RASGRP1: variants seen among roughly 807,000 people sequenced by gnomAD.
The protein encoded by RASGRP1 is RAS guanyl releasing protein 1, also known as RAS guanyl-releasing protein 1.
RASGRP1 carries 37 observed loss-of-function variants against 95.1 expected under a neutral mutation model. That is an observed-to-expected ratio of 0.39 (90% CI 0.30 to 0.51). RASGRP1 has a LOEUF of 0.51. RASGRP1 is among the 20% of genes least tolerant of loss of function. The pLI, the probability that RASGRP1 is intolerant of heterozygous loss-of-function variation, is 0.80. For missense variants in RASGRP1, 711 were observed against 965.4 expected (o/e 0.74, Z 3.49); for synonymous variants, 325 against 353.4 (o/e 0.92, Z 0.90).
chr15:38,561,071 C>T (rs556963465), intron 1 of RASGRP1, among the ~76,000 whole-genome samples: 39 of 152,330 alleles, frequency 2.6e-4, no homozygotes, highest in African/African-American at 7.9e-4. Flanking sequence ...TCTCCTCTCT[C>T]TACTGTGGCT....
intron 10 of RASGRP1, chr15:38,503,893 A>G (rs1376760218): frequency 5.4e-6 from 1 of 186,410 alleles, no homozygotes; most frequent in Admixed American, 5.9e-5. Context: ...TTGTCATTGT[A>G]TGAGCACCAC....
rs77433915 is a variant in RASGRP1 at position 38,540,384 on chromosome 15, T to C, written c.221-13980A>G. Among the ~76,000 whole-genome samples, 194 of 152,298 alleles carry C rather than the reference T, an allele frequency of 1.3e-3. 1 individual carries two copies. The highest frequency in any genetic ancestry group is 4.0e-3 in the African/African-American group (166 of 41,568). ...AAGCATATAAGAACAAACATTAACA[T>C]TGACTGGCAACTAATGATAAACACA... On this transcript the variant is annotated intron_variant, in intron 2 of 16. Transcript: ENST00000310803.
intron 1 of RASGRP1, among the ~76,000 whole-genome samples, chr15:38,562,877 G>A (rs1388415478): frequency 1.3e-5 from 2 of 152,200 alleles, no homozygotes; most frequent in African/African-American, 4.8e-5. Flanking sequence ...TGTTTCATAA[G>A]TGGATTCTTG....
chr15:38,491,091 C>G (rs1383352082), intron 16 of RASGRP1, among the ~76,000 whole-genome samples: 1 of 151,928 alleles, frequency 6.6e-6, no homozygotes, highest in Non-Finnish European at 1.5e-5. Context: ...TCTAAGTTTC[C>G]CCCCCACAAA....
At chr15:38,558,186 A>G (rs1027314627) in intron 2 of RASGRP1, among the ~76,000 whole-genome samples, 5 of 152,164 alleles carry the variant, frequency 3.3e-5, no homozygotes, top group Non-Finnish European at 7.3e-5. Flanking sequence ...GGAACTTTGC[A>G]GTTTATTCAG....
At chr15:38,497,411 C>T (rs1241286105) in intron 15 of RASGRP1, among the ~76,000 whole-genome samples, 1 of 151,662 alleles carries the variant, frequency 6.6e-6, no homozygotes, top group East Asian at 1.9e-4. Context: ...TTCCCACTAT[C>T]CCAATAGTAC....
At chr15:38,549,942 G>T (rs117636385) in intron 2 of RASGRP1, among the ~76,000 whole-genome samples, 8 of 152,024 alleles carry the variant, frequency 5.3e-5, no homozygotes, top group Non-Finnish European at 1.2e-4. Flanking sequence ...ATCTCACCCA[G>T]TTGCTAACTT....
At chr15:38,519,754 G>T (rs185982418) in intron 3 of RASGRP1, among the ~76,000 whole-genome samples, 88 of 150,846 alleles carry the variant, frequency 5.8e-4, no homozygotes, top group African/African-American at 2.0e-3. Context: ...AAATGAAGCA[G>T]AAAAAAAAGA....
At chr15:38,529,110 C>T (rs1892341704) in intron 2 of RASGRP1, among the ~76,000 whole-genome samples, 1 of 152,190 alleles carries the variant, frequency 6.6e-6, no homozygotes, top group South Asian at 2.1e-4. Context: ...TCTCTCCATC[C>T]TTGGCCTCAC....
At chr15:38,528,488 C>G (rs1430831302) in intron 2 of RASGRP1, among the ~76,000 whole-genome samples, 1 of 152,104 alleles carries the variant, frequency 6.6e-6, no homozygotes, top group East Asian at 1.9e-4. Context: ...GACTCAGTAG[C>G]ATTCAACCCA....
chr15:38,495,188 C>G (rs1275240162), intron 15 of RASGRP1, among the ~76,000 whole-genome samples: 2 of 152,182 alleles, frequency 1.3e-5, no homozygotes, highest in African/African-American at 4.8e-5. Context: ...TACAGACACC[C>G]TCTAGCAGGT....
chr15:38,503,139 A>C (rs1891105742), intron 11 of RASGRP1, 133 bp downstream of exon 11: 2 of 694,070 alleles, frequency 2.9e-6, no homozygotes, highest in Non-Finnish European at 5.0e-6. Flanking sequence ...CTAAAGCCAC[A>C]GTAAGAGAAG....
At chr15:38,508,397 T>G (rs547544597) in intron 8 of RASGRP1, among the ~76,000 whole-genome samples, 1 of 152,348 alleles carries the variant, frequency 6.6e-6, no homozygotes, top group African/African-American at 2.4e-5. Context: ...CCTTGGTGTC[T>G]TCTGAATGCT....
chr15:38,492,355 T>G (rs143712416), intron 16 of RASGRP1, among the ~76,000 whole-genome samples: 1 of 152,224 alleles, frequency 6.6e-6, no homozygotes, highest in Non-Finnish European at 1.5e-5. Context: ...ATCTAACTTG[T>G]TTCTTCAGAT....
At chr15:38,555,159 G>A (rs534102013) in intron 2 of RASGRP1, among the ~76,000 whole-genome samples, 5 of 152,128 alleles carry the variant, frequency 3.3e-5, no homozygotes, top group East Asian at 1.9e-4. Flanking sequence ...GAAAAGAGAC[G>A]GAATGTTTTA....
At chr15:38,498,388 TTA>T (rs1203791218) in intron 15 of RASGRP1, among the ~76,000 whole-genome samples, 5 of 152,184 alleles carry the variant, frequency 3.3e-5, no homozygotes, top group African/African-American at 1.2e-4. Flanking sequence ...GATTTATATA[TTA>T]TATATGTTAA....
intron 15 of RASGRP1, 54 bp from the exon 16 acceptor site, chr15:38,494,821 A>C: frequency 1.5e-6 from 2 of 1,303,180 alleles, no homozygotes; most frequent in Non-Finnish European, 2.0e-6. Context: ...GCAGAGACTC[A>C]AGACTGAGAC....
At chr15:38,499,034 T>C in intron 14 of RASGRP1, 88 bp from the exon 15 acceptor site, 1 of 1,512,210 alleles carries the variant, frequency 6.6e-7, no homozygotes, top group South Asian at 1.1e-5. Context: ...CAGTGCTTTC[T>C]TGTCACACAT....
rs1054812566 is a variant in RASGRP1 at position 38,490,295 on chromosome 15, C to T, written c.*259G>A. 1.3e-5 allele frequency: 4 copies of T among 299,310 alleles called. No homozygotes were observed. The highest frequency in any genetic ancestry group is 1.8e-5 in the Non-Finnish European group (3 of 164,324). 18.5% of individuals were successfully genotyped at this position (299,310 alleles called of 1,614,324 possible). On this transcript the variant is annotated 3_prime_UTR_variant, in exon 17 of 17. Coordinates refer to ENST00000310803, the MANE Select transcript of RASGRP1 (RefSeq NM_005739.4). ...AGGAAATGATAGTCATGTTTTAGAT[C>T]GCATACTTTTGATGAACATCAGTGG...
Sources: allele counts gnomAD v4.1 joint callset (sites outside exome capture counted in the v4.1 genomes callset), GRCh38; gene constraint gnomAD v4.1.1; transcripts MANE v1.5; gene names NCBI Gene and HGNC (gene_info 2026-07-23, HGNC 2026-07-21).